Variants in NRXN1 observed in about 807,000 individuals in gnomAD.
NRXN1 encodes the protein neurexin-1.
A neutral mutation model predicts 150.9 loss-of-function variants in NRXN1; 39 were observed. The observed-to-expected ratio is 0.26, with a 90% CI of 0.20 to 0.34. The LOEUF is 0.34. Among genes scored for constraint, NRXN1 ranks in the 10% least tolerant of loss-of-function variants. NRXN1 has a pLI of 1.00. For missense variants in NRXN1, 1,815 were observed against 1,949.9 expected (o/e 0.93, Z 1.30); for synonymous variants, 924 against 757.0 (o/e 1.22, Z -3.62).
At chr2:50,049,958 T>G (rs1046931372) in intron 21 of NRXN1, among the ~76,000 whole-genome samples, 1 of 152,002 alleles carries the variant, frequency 6.6e-6, no homozygotes, top group African/African-American at 2.4e-5. Context: ...AATTAAATAT[T>G]CCAAGTAAAA....
chr2:50,186,022 G>A (rs2061046668), intron 18 of NRXN1, among the ~76,000 whole-genome samples: 1 of 151,904 alleles, frequency 6.6e-6, no homozygotes, highest in South Asian at 2.1e-4. Context: ...GTTAAATACT[G>A]ATTTATAAAA....
intron 5 of NRXN1, among the ~76,000 whole-genome samples, chr2:50,823,886 T>C (rs1418890898): frequency 6.6e-6 from 1 of 152,208 alleles, no homozygotes. Context: ...TTCAAATATA[T>C]GTCAAATATT....
intron 8 of NRXN1, among the ~76,000 whole-genome samples, chr2:50,609,388 G>C (rs150241449): frequency 3.3e-5 from 5 of 152,074 alleles, no homozygotes. Flanking sequence ...TGACTGCATA[G>C]GTTATAAGTC....
chr2:50,589,349 G>A (rs935104893), intron 8 of NRXN1: 7 of 152,244 alleles, frequency 4.6e-5, no homozygotes, highest in African/African-American at 1.7e-4. Flanking sequence ...AAAATGGTCA[G>A]GTCTACAGAG....
intron 19 of NRXN1, among the ~76,000 whole-genome samples, chr2:50,082,048 C>T (rs1007949019): frequency 7.9e-5 from 12 of 152,278 alleles, no homozygotes; most frequent in African/African-American, 2.9e-4. Context: ...ACCTAATACT[C>T]TTTAATATGT....
intron 17 of NRXN1, among the ~76,000 whole-genome samples, chr2:50,361,089 G>C (rs945581213): frequency 4.6e-5 from 7 of 152,182 alleles, no homozygotes; most frequent in African/African-American, 1.7e-4. Flanking sequence ...CAGCGTACCA[G>C]CATCTCTAGG....
intron 12 of NRXN1, among the ~76,000 whole-genome samples, chr2:50,524,164 T>A (rs1267106133): frequency 1.3e-5 from 2 of 152,082 alleles, no homozygotes; most frequent in Non-Finnish European, 2.9e-5. Flanking sequence ...GTTTATTAAA[T>A]CTATTTTTAT....
At chr2:50,890,547 T>A (rs977663070) in intron 5 of NRXN1, among the ~76,000 whole-genome samples, 10 of 151,964 alleles carry the variant, frequency 6.6e-5, no homozygotes, top group South Asian at 4.1e-4. Flanking sequence ...CCTTAGCTAC[T>A]CTTTAATGGT....
intron 8 of NRXN1, among the ~76,000 whole-genome samples, chr2:50,571,779 GA>G (rs1334213275): frequency 6.6e-6 from 1 of 152,106 alleles, no homozygotes; most frequent in Non-Finnish European, 1.5e-5. Context: ...CTGCAACACA[GA>G]GAAAAGAAAA....
rs182504183 is a variant in NRXN1 at position 50,108,901 on chromosome 2, C to T, written c.3547-17407G>A. ...ACAAAAACACACTACTTGCTGTAAA[C>T]CGAAACCACACTGTTGGATGCAAAT... On this transcript the variant is annotated intron_variant, in intron 18 of 22. Transcript: ENST00000401669. 1.8e-3 allele frequency among the ~76,000 whole-genome samples: 267 copies of T among 152,174 alleles called. 1 individual carries two copies. The highest frequency in any genetic ancestry group is 5.7e-3 in the African/African-American group (236 of 41,536).
chr2:50,314,038 G>A (rs2152967084), intron 17 of NRXN1, among the ~76,000 whole-genome samples: 1 of 152,138 alleles, frequency 6.6e-6, no homozygotes, highest in East Asian at 1.9e-4. Context: ...ATTCACTCGA[G>A]TATCTGGGAA....
At position 50,376,036 on chromosome 2, in the gene NRXN1, C is replaced by CATATATAT. The variant is rs200888302; in HGVS notation, c.3364+89398_3364+89405dup. On this transcript the variant is annotated intron_variant, in intron 17 of 22. Coordinates refer to ENST00000401669, the MANE Select transcript of NRXN1 (RefSeq NM_001330078.2). Reference sequence around the variant, plus strand: ...CATTTAGAACTCCTGCACATAAATACATATATATATACACACACACACACA... The same window carrying CATATATAT: ...CATTTAGAACTCCTGCACATAAATACATATATATATATATATATACACACACACACACA... 3.2e-3 allele frequency among the ~76,000 whole-genome samples: 459 copies of CATATATAT among 144,382 alleles called. 4 individuals carry two copies. The East Asian group carries it at 0.047, about 15-fold the overall frequency. The allele number at this position is 144,382 out of a possible 152,430, so 94.7% of individuals were successfully genotyped here.
intron 21 of NRXN1, among the ~76,000 whole-genome samples, chr2:50,004,306 T>A (rs1318665152): frequency 1.3e-5 from 2 of 152,148 alleles, no homozygotes; most frequent in East Asian, 3.9e-4. Context: ...TATGATTTGG[T>A]CATTCTGCAA....
chr2:51,015,955 C>G (rs571562331), intron 2 of NRXN1, among the ~76,000 whole-genome samples: 1 of 152,132 alleles, frequency 6.6e-6, no homozygotes, highest in Admixed American at 6.6e-5. Context: ...AGGCATCAAG[C>G]TACCTGACTT....
At chr2:50,634,724 T>TAG (rs745637387) in intron 5 of NRXN1, among the ~76,000 whole-genome samples, 2 of 152,150 alleles carry the variant, frequency 1.3e-5, no homozygotes, top group Admixed American at 6.6e-5. Flanking sequence ...AGTATGCCTC[T>TAG]AGGTGTCTTA....
At chr2:50,591,366 C>T (rs183576242) in intron 8 of NRXN1, among the ~76,000 whole-genome samples, 1 of 148,954 alleles carries the variant, frequency 6.7e-6, no homozygotes, top group Non-Finnish European at 1.5e-5. Context: ...GAAAATTCTA[C>T]CATACACTAT....
At chr2:50,887,489 A>G (rs1680428229) in intron 5 of NRXN1, among the ~76,000 whole-genome samples, 1 of 151,466 alleles carries the variant, frequency 6.6e-6, no homozygotes, top group African/African-American at 2.4e-5. Context: ...AGAGTGGGAA[A>G]GAAGTTGGAA....
At chr2:50,448,896 A>T (rs2086709961) in intron 17 of NRXN1, among the ~76,000 whole-genome samples, 1 of 152,184 alleles carries the variant, frequency 6.6e-6, no homozygotes, top group South Asian at 2.1e-4. Flanking sequence ...AATAAATAAA[A>T]GAAAGAACTA....
intron 2 of NRXN1, among the ~76,000 whole-genome samples, chr2:51,020,655 T>A (rs920825982): frequency 2.0e-5 from 3 of 152,014 alleles, no homozygotes; most frequent in Admixed American, 6.6e-5. Flanking sequence ...CTGGCATTAG[T>A]TCACAATATA....
Sources: allele counts gnomAD v4.1 joint callset (sites outside exome capture counted in the v4.1 genomes callset), GRCh38; gene constraint gnomAD v4.1.1; transcripts MANE v1.5; gene names NCBI Gene and HGNC (gene_info 2026-07-23, HGNC 2026-07-21).